Variants in A2M observed in about 807,000 individuals in gnomAD.
A2M encodes C3 and PZP-like alpha-2-macroglobulin domain-containing protein 5.
A neutral mutation model predicts 183.9 loss-of-function variants in A2M; 128 were observed. The ratio of observed to expected loss-of-function variants is 0.70; its 90% CI spans 0.60 to 0.81. The LOEUF is 0.81. A2M is among the 30% of genes least tolerant of loss of function. The pLI, the probability that A2M is intolerant of heterozygous loss-of-function variation, is 0.00. For missense variants in A2M, 1,495 were observed against 1,787.6 expected (o/e 0.84, Z 2.95); for synonymous variants, 592 against 670.8 (o/e 0.88, Z 1.81).
chr12:9,080,816 G>A (rs6487584), intron 22 of A2M, among the ~76,000 whole-genome samples: 84,093 of 151,784 alleles, frequency 0.55, 24,929 homozygotes, highest in African/African-American at 0.76. Flanking sequence ...AGAGAAGTAT[G>A]GTATTTATTT....
intron 7 of A2M, among the ~76,000 whole-genome samples, chr12:9,108,148 T>C (rs752124121): frequency 3.3e-5 from 5 of 150,136 alleles, no homozygotes; most frequent in Non-Finnish European, 7.4e-5. Context: ...ATTTTTGAGA[T>C]GGAGTCTCGC....
intron 31 of A2M, 40 bp from the exon 32 acceptor site, chr12:9,070,618 T>G (rs1413141763): frequency 7.2e-7 from 1 of 1,393,652 alleles, no homozygotes; most frequent in South Asian, 1.2e-5. Context: ...GTTTTCTGTG[T>G]TTTTAAATAT....
chr12:9,110,323 T>C lies in A2M; in HGVS notation c.495A>G (p.Val165=), dbSNP rs1407483466. ...FHPLNELIPL[V]YIQDPKGNRI... ...GTTTCATGTTGCTTACCTGAATGTA[T>C]ACTAGTGGAATCTGAAAGACAAAAG... Residue 165 remains valine, a synonymous_variant, in exon 5 of 36, where the codon GTA becomes GTG. Coordinates refer to ENST00000318602, the MANE Select transcript of A2M (RefSeq NM_000014.6). 1 of 1,454,264 alleles carries C rather than the reference T, an allele frequency of 6.9e-7. No homozygotes were observed. The highest frequency in any genetic ancestry group is 1.4e-5 in the African/African-American group (1 of 70,302). The allele number at this position is 1,454,264 out of a possible 1,614,324, so 90.1% of individuals were successfully genotyped here. A position where few individuals can be genotyped will look rare whatever the true frequency, so the allele number is the denominator to read the frequency against.
intron 28 of A2M, 113 bp downstream of exon 28, chr12:9,076,643 A>G: frequency 5.5e-6 from 5 of 914,954 alleles, no homozygotes; most frequent in Non-Finnish European, 8.3e-6. Context: ...TATATGATAT[A>G]TAGAAAAGAA....
In A2M at chr12:9,077,808, A is replaced by G; in HGVS notation, c.3169T>C (p.Phe1057Leu). ...TGGGTAATGTGTGCTTCATCGATGA[A>G]GATGTAGGCTCGAGCTTGGGCAAAA... The part of the protein sequence containing the change: ...KTFAQARAYI[F>L]IDEAHITQAL... The change falls in exon 26 of 36, where the codon TTC becomes CTC. Residue 1057 changes from phenylalanine (F) to leucine (L), a missense_variant. Physicochemically the swap from Phe to Leu is conservative, Grantham distance 22. Coordinates refer to ENST00000318602, the MANE Select transcript of A2M (RefSeq NM_000014.6). 1 of 1,614,190 alleles carries G rather than the reference A, an allele frequency of 6.2e-7. No homozygotes were observed. The highest frequency in any genetic ancestry group is 8.5e-7 in the Non-Finnish European group (1 of 1,180,016).
chr12:9,107,918 A>C (rs952197493), intron 7 of A2M, among the ~76,000 whole-genome samples: 1 of 151,656 alleles, frequency 6.6e-6, no homozygotes, highest in African/African-American at 2.4e-5. Context: ...TTATTATAAA[A>C]CTTAAACCCG....
chr12:9,080,219 C>T, intron 22 of A2M, 42 bp from the exon 23 acceptor site: 1 of 1,348,764 alleles, frequency 7.4e-7, no homozygotes, highest in South Asian at 1.3e-5. Context: ...ATTATTTCTG[C>T]ATTATATCTT....
At chr12:9,076,249 T>C (rs1475386461) in intron 28 of A2M, among the ~76,000 whole-genome samples, 1 of 152,250 alleles carries the variant, frequency 6.6e-6, no homozygotes, top group Non-Finnish European at 1.5e-5. Context: ...AGTACTTTTA[T>C]AGGATTTGCT....
Position 9,098,587 on chromosome 12 carries a change from T to C in A2M, c.1851+20A>G. On this transcript the variant is annotated intron_variant, in intron 15 of 35. Transcript: ENST00000318602. ...CCCTGGCACGGCCCTTCTTGATTCCTGAGGCTGCCAGGAACTCACCGAGGA... is the reference window on the plus strand; with the variant it reads ...CCCTGGCACGGCCCTTCTTGATTCCCGAGGCTGCCAGGAACTCACCGAGGA... 3 of 1,582,238 alleles carry C rather than the reference T, an allele frequency of 1.9e-6. No homozygotes were observed. Among genetic ancestry groups the C allele is most frequent in the Non-Finnish European group, 2.6e-6 (3 of 1,164,564 alleles).
At chr12:9,080,872 TA>T (rs897131668) in intron 22 of A2M, among the ~76,000 whole-genome samples, 3 of 151,786 alleles carry the variant, frequency 2.0e-5, no homozygotes, top group East Asian at 1.9e-4. Flanking sequence ...AAATGTTTCT[TA>T]AAAAAAAGCC....
rs11609582 is a variant in A2M, at chr12:9,090,027, A to T, written c.2597-4T>A. 0.15 allele frequency: 234,082 copies of T among 1,572,536 alleles called. 18,262 individuals carry two copies. Among genetic ancestry groups the T allele is most frequent in the African/African-American group, 0.21 (15,558 of 73,964 alleles). ...CTCACAGTGAAATTCACATTTCCTG[A>T]AAAAAAAGGCCAGTAGAAATGAATA... On this transcript the variant is annotated splice_region_variant and splice_polypyrimidine_tract_variant and intron_variant, in intron 20 of 35. Transcript: ENST00000318602.
intron 29 of A2M, among the ~76,000 whole-genome samples, chr12:9,073,196 A>G (rs1948634123): frequency 6.6e-6 from 1 of 152,202 alleles, no homozygotes; most frequent in African/African-American, 2.4e-5. Context: ...ATTTGCTAAC[A>G]TGTCTTTCTT....
rs115722473 is a variant in A2M, at chr12:9,078,694, G to C, written c.3119+550C>G. Among the ~76,000 whole-genome samples, 1,443 of 152,226 alleles carry C rather than the reference G, an allele frequency of 9.5e-3. 21 individuals carry two copies. The highest frequency in any genetic ancestry group is 0.03 in the African/African-American group (1,226 of 41,542). On this transcript the variant is annotated intron_variant, in intron 25 of 35. Transcript: ENST00000318602. The stretch of plus-strand genomic sequence containing the variant: ...TATTTTTGTTAGTTACTTGAGTAAG[G>C]CTTTAAATCTCTCTTATCTTTAGAG...
At chr12:9,110,626 ATCAT>A (rs1030850583) in intron 4 of A2M, among the ~76,000 whole-genome samples, 1 of 151,652 alleles carries the variant, frequency 6.6e-6, no homozygotes, top group Non-Finnish European at 1.5e-5. Flanking sequence ...ATCATCCATA[ATCAT>A]TATCATGCAC....
At chr12:9,107,375 A>C in intron 8 of A2M, 149 bp downstream of exon 8, 1 of 941,254 alleles carries the variant, frequency 1.1e-6, no homozygotes, top group South Asian at 1.8e-5. Context: ...CATTGTGCTA[A>C]GTTCATGATT....
Position 9,104,361 on chromosome 12 carries a change from T to C in A2M, c.1144A>G (p.Lys382Glu). ...TCATTTCCTCTGATGAATATGACTTTATTTGGTATAGGGACGCCTTTCCCA... is the reference window on the plus strand; with the variant it reads ...TCATTTCCTCTGATGAATATGACTTCATTTGGTATAGGGACGCCTTTCCCA... ...VDGKGVPIPN[K>E]VIFIRGNEAN... The change falls in exon 11 of 36, where the codon AAA (lysine) becomes GAA (glutamate). Residue 382 changes from lysine (K) to glutamate (E), a missense_variant. Coordinates refer to ENST00000318602, the MANE Select transcript of A2M (RefSeq NM_000014.6). 2 of 1,603,170 alleles carry C rather than the reference T, an allele frequency of 1.2e-6. No individual in the cohort carries two copies. Among genetic ancestry groups the C allele is most frequent in the Non-Finnish European group, 1.7e-6 (2 of 1,174,250 alleles).
intron 26 of A2M, 46 bp downstream of exon 26, chr12:9,077,655 C>G (rs756397696): frequency 2.7e-5 from 43 of 1,601,540 alleles, no homozygotes. Flanking sequence ...CTCATCCTTG[C>G]AGATATCATA....
chr12:9,093,470 C>T lies in A2M; in HGVS notation c.2235G>A (p.Val745=). ...FPETWIWDLV[V]VNSAGVAEVG... is the part of the protein sequence containing the mutation. The stretch of plus-strand genomic sequence containing the variant: ...ATATGCAGGAAGTTACTTACTTTAC[C>T]ACCACCAAATCCCAGATCCATGTCT... The change falls in exon 18 of 36, where the codon GTG becomes GTA. Residue 745 remains valine (V), a synonymous_variant. Transcript: ENST00000318602. The T allele has an allele frequency of 6.2e-7, 1 of 1,612,696 alleles. No individual in the cohort carries two copies. Among genetic ancestry groups the T allele is most frequent in the East Asian group, 2.2e-5 (1 of 44,870 alleles).
chr12:9,069,684 G>A, intron 33 of A2M, 61 bp downstream of exon 33: 1 of 1,320,704 alleles, frequency 7.6e-7, no homozygotes, highest in Middle Eastern at 1.9e-4. Context: ...TACCTTCCCA[G>A]ATGTTCCCTT....
Sources: gnomAD v4.1 joint callset for allele counts (sites outside exome capture counted in the v4.1 genomes callset) on GRCh38, gnomAD v4.1.1 for gene constraint, MANE v1.5 for transcripts, NCBI Gene and HGNC (gene_info 2026-07-23, HGNC 2026-07-21) for gene names.